PPM1H: variants seen among roughly 807,000 people sequenced by gnomAD.
PPM1H encodes the protein protein phosphatase 1H.
Under a neutral mutation model 54.9 loss-of-function variants are expected in PPM1H, and 27 were observed. That is an observed-to-expected ratio of 0.49 (90% confidence interval 0.36 to 0.68). The LOEUF (loss-of-function observed/expected upper bound fraction) is 0.68, where lower values mean the gene tolerates loss of function less well. PPM1H is among the 30% of genes least tolerant of loss of function. PPM1H has a pLI of 0.00. For missense variants in PPM1H, 596 were observed against 667.8 expected, an observed-to-expected ratio of 0.89 and a Z score of 1.19; for synonymous variants, 305 against 270.8, an observed-to-expected ratio of 1.13 and a Z score of -1.24.
intron 5 of PPM1H, among the ~76,000 whole-genome samples, chr12:62,731,752 T>C (rs1249959040): frequency 6.6e-6 from 1 of 152,184 alleles, no homozygotes; most frequent in Non-Finnish European, 1.5e-5. Flanking sequence ...TTTGAAGATA[T>C]GATGACACCG....
chr12:62,919,864 G>A (rs187012861), intron 1 of PPM1H, among the ~76,000 whole-genome samples: 93 of 152,238 alleles, frequency 6.1e-4, no homozygotes, highest in Admixed American at 3.2e-3. Context: ...GTCTCTGTCA[G>A]CACTAAACTG....
At chr12:62,749,641 A>C (rs1211003679) in intron 4 of PPM1H, among the ~76,000 whole-genome samples, 1 of 152,246 alleles carries the variant, frequency 6.6e-6, no homozygotes, top group African/African-American at 2.4e-5. Context: ...GCCTGGAATC[A>C]GTTTGGGTGT....
At chr12:62,805,616 C>G (rs148406907) in intron 2 of PPM1H, among the ~76,000 whole-genome samples, 199 of 152,308 alleles carry the variant, frequency 1.3e-3, no homozygotes, top group African/African-American at 4.5e-3. Context: ...ACAAATACCA[C>G]TTGATCTCAT....
intron 2 of PPM1H, among the ~76,000 whole-genome samples, chr12:62,822,663 A>G (rs557457527): frequency 6.6e-6 from 1 of 152,376 alleles, no homozygotes; most frequent in East Asian, 1.9e-4. Flanking sequence ...TAATGAAATG[A>G]AGGCAGAAAT....
intron 4 of PPM1H, among the ~76,000 whole-genome samples, chr12:62,740,536 C>A (rs1394784073): frequency 1.3e-5 from 2 of 152,152 alleles, no homozygotes; most frequent in East Asian, 3.9e-4. Context: ...TAGGTTAGAC[C>A]CCTATCCCTC....
chr12:62,886,693 G>A (rs1358977270), intron 1 of PPM1H, among the ~76,000 whole-genome samples: 1 of 152,106 alleles, frequency 6.6e-6, no homozygotes, highest in Admixed American at 6.6e-5. Flanking sequence ...GACAAATCAG[G>A]GTAAGCAGCT....
At chr12:62,843,898 C>G (rs957721306) in intron 1 of PPM1H, among the ~76,000 whole-genome samples, 1 of 152,038 alleles carries the variant, frequency 6.6e-6, no homozygotes, top group Non-Finnish European at 1.5e-5. Flanking sequence ...ATATTTTTAC[C>G]TTTGTCCCCA....
intron 1 of PPM1H, among the ~76,000 whole-genome samples, chr12:62,877,703 C>T (rs2121029599): frequency 6.6e-6 from 1 of 152,282 alleles, no homozygotes; most frequent in South Asian, 2.1e-4. Context: ...TCTGTTCCAC[C>T]TGGCACAGCC....
chr12:62,871,603 C>T (rs894316988), intron 1 of PPM1H, among the ~76,000 whole-genome samples: 1 of 151,484 alleles, frequency 6.6e-6, no homozygotes, highest in African/African-American at 2.4e-5. Context: ...CAACCTCCAC[C>T]TCCTGGATTC....
intron 4 of PPM1H, among the ~76,000 whole-genome samples, chr12:62,768,462 T>C (rs1478428221): frequency 6.6e-6 from 1 of 152,140 alleles, no homozygotes; most frequent in Non-Finnish European, 1.5e-5. Flanking sequence ...GAGACCAACC[T>C]GGCCAACATA....
intron 1 of PPM1H, among the ~76,000 whole-genome samples, chr12:62,855,267 T>G (rs1869340537): frequency 6.6e-6 from 1 of 152,158 alleles, no homozygotes; most frequent in Non-Finnish European, 1.5e-5. Flanking sequence ...GCTCTTCATG[T>G]AAAACACTGC....
intron 8 of PPM1H, among the ~76,000 whole-genome samples, chr12:62,687,864 C>T (rs921175768): frequency 1.3e-5 from 2 of 151,942 alleles, no homozygotes; most frequent in East Asian, 1.9e-4. Flanking sequence ...CAAAAATTAG[C>T]CAGGCATGGT....
intron 4 of PPM1H, among the ~76,000 whole-genome samples, chr12:62,768,895 A>G (rs553887200): frequency 1.2e-4 from 18 of 152,268 alleles, no homozygotes; most frequent in Admixed American, 1.2e-3. Context: ...CAAATGATAA[A>G]AGACAAGACA....
chr12:62,851,477 TG>T (rs1236506576), intron 1 of PPM1H, among the ~76,000 whole-genome samples: 2 of 152,000 alleles, frequency 1.3e-5, no homozygotes, highest in Non-Finnish European at 2.9e-5. Flanking sequence ...CCAAGGTGGG[TG>T]GATCACCTGA....
At chr12:62,773,685 G>A (rs1017885179) in intron 4 of PPM1H, among the ~76,000 whole-genome samples, 1 of 152,070 alleles carries the variant, frequency 6.6e-6, no homozygotes, top group Non-Finnish European at 1.5e-5. Context: ...ACATCCAAGT[G>A]GCAGACACTG....
chr12:62,756,282 C>A (rs1418353364), intron 4 of PPM1H: 4 of 641,294 alleles, frequency 6.2e-6, no homozygotes, highest in Non-Finnish European at 1.2e-5. Flanking sequence ...AAGAGAGAGG[C>A]CCTCACTGCT....
At chr12:62,717,509 A>G (rs150593194) in intron 6 of PPM1H, among the ~76,000 whole-genome samples, 58 of 152,258 alleles carry the variant, frequency 3.8e-4, no homozygotes, top group African/African-American at 1.2e-3. Flanking sequence ...GAACAAGAGC[A>G]AGTGTGCACG....
intron 6 of PPM1H, among the ~76,000 whole-genome samples, chr12:62,716,384 G>A (rs189428937): frequency 6.6e-6 from 1 of 152,266 alleles, no homozygotes; most frequent in East Asian, 1.9e-4. Flanking sequence ...TGAGGAATTA[G>A]GTAAAGCTCT....
intron 4 of PPM1H, among the ~76,000 whole-genome samples, chr12:62,753,369 T>C (rs1465247170): frequency 1.3e-5 from 2 of 152,232 alleles, no homozygotes; most frequent in African/African-American, 2.4e-5. Flanking sequence ...AACACTCTTC[T>C]TTGTCACAGG....
Sources: allele counts gnomAD v4.1 joint callset (sites outside exome capture counted in the v4.1 genomes callset), GRCh38; gene constraint gnomAD v4.1.1; transcripts MANE v1.5; gene names NCBI Gene and HGNC (gene_info 2026-07-23, HGNC 2026-07-21).